Variants in ANO2 observed in about 807,000 individuals in gnomAD.
ANO2 encodes anoctamin-2.
Under a neutral mutation model 124.2 loss-of-function variants are expected in ANO2, and 101 were observed. The ratio of observed to expected loss-of-function variants is 0.81; its 90% CI spans 0.69 to 0.96. The LOEUF (loss-of-function observed/expected upper bound fraction) is 0.96. Among genes scored for constraint, ANO2 ranks in the 40% least tolerant of loss-of-function variants. The pLI is 0.00. For missense variants in ANO2, 1,293 were observed against 1,274.5 expected (o/e 1.01, Z -0.22); for synonymous variants, 486 against 482.5 (o/e 1.01, Z -0.09).
intron 16 of ANO2, among the ~76,000 whole-genome samples, chr12:5,630,718 C>G (rs553675424): frequency 1.3e-5 from 2 of 152,334 alleles, no homozygotes; most frequent in South Asian, 4.1e-4. Context: ...GTGCTAAGAT[C>G]TGCCATGGGC....
intron 1 of ANO2, among the ~76,000 whole-genome samples, chr12:5,928,397 T>G (rs954818038): frequency 2.0e-5 from 3 of 151,636 alleles, no homozygotes; most frequent in African/African-American, 7.3e-5. Flanking sequence ...ACTAGTCTAC[T>G]TTCCTTCCTC....
At chr12:5,804,513 T>C (rs1953132328) in intron 9 of ANO2, among the ~76,000 whole-genome samples, 1 of 152,234 alleles carries the variant, frequency 6.6e-6, no homozygotes, top group African/African-American at 2.4e-5. Context: ...AGCATCTTTC[T>C]GACATCAACT....
At chr12:5,892,656 T>G (rs1048009062) in intron 3 of ANO2, among the ~76,000 whole-genome samples, 1 of 152,148 alleles carries the variant, frequency 6.6e-6, no homozygotes, top group Non-Finnish European at 1.5e-5. Context: ...AAGAAAAGAA[T>G]TGTCAATCAA....
chr12:5,654,887 G>A (rs1447813810), intron 14 of ANO2, among the ~76,000 whole-genome samples: 1 of 152,160 alleles, frequency 6.6e-6, no homozygotes, highest in Non-Finnish European at 1.5e-5. Context: ...TATTGAATCA[G>A]AGCAGCCATC....
intron 23 of ANO2, among the ~76,000 whole-genome samples, chr12:5,569,724 G>A (rs1941987116): frequency 6.6e-6 from 1 of 152,148 alleles, no homozygotes; most frequent in Non-Finnish European, 1.5e-5. Context: ...AGATGTGTGT[G>A]CGTGTGTGTC....
intron 10 of ANO2, among the ~76,000 whole-genome samples, chr12:5,799,018 AG>A (rs1952956617): frequency 6.6e-6 from 1 of 152,236 alleles, no homozygotes; most frequent in African/African-American, 2.4e-5. Flanking sequence ...GAGGAAACCC[AG>A]GGCCTAGTCT....
chr12:5,681,559 A>G (rs1224217039), intron 14 of ANO2, among the ~76,000 whole-genome samples: 1 of 152,066 alleles, frequency 6.6e-6, no homozygotes. Flanking sequence ...TCATTTTCCC[A>G]CTCACATCCC....
Position 5,635,476 on chromosome 12 carries a change from G to A in ANO2, c.1621-129C>T. The A allele has an allele frequency of 1.3e-6, 1 of 794,942 alleles. No individual in the cohort carries two copies. Among genetic ancestry groups the A allele is most frequent in the Non-Finnish European group, 1.8e-6 (1 of 562,224 alleles). 49.2% of individuals were successfully genotyped at this position (794,942 alleles called of 1,614,324 possible). ...CTGGAATCTTTTGTTGGGTAACAAG[G>A]GATTCCAGATATTATTAGTCTGGAA... On this transcript the variant is annotated intron_variant, in intron 15 of 24. Transcript: ENST00000682330. The surrounding 1 kb of genome is among the most constrained non-coding windows in gnomAD (Gnocchi z 5.2).
chr12:5,569,968 T>C lies in ANO2; in HGVS notation c.2622-4305A>G, dbSNP rs376497289. On this transcript the variant is annotated intron_variant, in intron 23 of 24. Transcript: ENST00000682330. The stretch of plus-strand genomic sequence containing the variant: ...TTAAAAAGTTCAAAATGGTAAAAGA[T>C]GAATGTAATTAATGGCAATACACAG... 2.6e-5 allele frequency among the ~76,000 whole-genome samples: 4 copies of C among 152,246 alleles called. No homozygotes were observed. The East Asian group carries it at 5.8e-4, about 22-fold the overall frequency.
intron 23 of ANO2, among the ~76,000 whole-genome samples, chr12:5,572,036 C>T (rs1171840083): frequency 1.3e-5 from 2 of 152,170 alleles, no homozygotes; most frequent in Non-Finnish European, 2.9e-5. Context: ...ACATAACCCT[C>T]AGTGTAACCC....
rs564381046 is a variant in ANO2, at chr12:5,799,398, G to T, written c.1055+109C>A. 35 of 933,054 alleles carry T rather than the reference G, an allele frequency of 3.8e-5. No homozygotes were observed. The East Asian group carries it at 8.9e-4, about 24-fold the overall frequency. 57.8% of individuals were successfully genotyped at this position (933,054 alleles called of 1,614,324 possible). The stretch of plus-strand genomic sequence containing the variant: ...GGAGTGGATCATAGAAGCTAGAAAA[G>T]AAGATCCCTCCACTTGAGCAAAGGA... On this transcript the variant is annotated intron_variant, in intron 10 of 24. Coordinates refer to ENST00000682330, the MANE Select transcript of ANO2 (RefSeq NM_001364791.2).
intron 6 of ANO2, among the ~76,000 whole-genome samples, chr12:5,830,119 T>G (rs899940181): frequency 1.3e-5 from 2 of 152,188 alleles, no homozygotes; most frequent in Admixed American, 1.3e-4. Context: ...CTCAGTTTCC[T>G]CAATTGTAAA....
chr12:5,640,660 C>T (rs1371937799), intron 15 of ANO2, among the ~76,000 whole-genome samples: 1 of 152,178 alleles, frequency 6.6e-6, no homozygotes, highest in African/African-American at 2.4e-5. Flanking sequence ...AAATGCAAAT[C>T]AAAACCACAA....
intron 20 of ANO2, among the ~76,000 whole-genome samples, chr12:5,590,240 A>G (rs1943327308): frequency 6.6e-6 from 1 of 152,106 alleles, no homozygotes; most frequent in Non-Finnish European, 1.5e-5. Flanking sequence ...AGCTATCATT[A>G]GTGTTACTAT....
At chr12:5,727,952 G>A (rs957290257) in intron 14 of ANO2, among the ~76,000 whole-genome samples, 28 of 152,108 alleles carry the variant, frequency 1.8e-4, no homozygotes, top group Middle Eastern at 3.4e-3. Flanking sequence ...GACTACAGGC[G>A]CCCGCCACCA....
intron 14 of ANO2, among the ~76,000 whole-genome samples, chr12:5,671,119 G>A (rs1300710007): frequency 1.3e-5 from 2 of 152,124 alleles, no homozygotes; most frequent in Non-Finnish European, 2.9e-5. Context: ...TCTACAAGAG[G>A]CAGACCACTG....
At chr12:5,751,909 A>G (rs921222878) in intron 10 of ANO2, among the ~76,000 whole-genome samples, 8 of 152,024 alleles carry the variant, frequency 5.3e-5, no homozygotes, top group Admixed American at 5.2e-4. Context: ...CCTGTTAACC[A>G]CTATTCTATT....
intron 3 of ANO2, among the ~76,000 whole-genome samples, chr12:5,880,735 T>C (rs2137296253): frequency 6.6e-6 from 1 of 151,908 alleles, no homozygotes; most frequent in South Asian, 2.1e-4. Context: ...TAGAATTTAG[T>C]AGATATTTGA....
chr12:5,849,376 T>C (rs149150277), intron 4 of ANO2, among the ~76,000 whole-genome samples: 343 of 152,254 alleles, frequency 2.3e-3, no homozygotes, highest in African/African-American at 7.3e-3. Context: ...CATTCATATA[T>C]ACAAAAAAAG....
Sources: allele counts gnomAD v4.1 joint callset (sites outside exome capture counted in the v4.1 genomes callset), GRCh38; gene constraint gnomAD v4.1.1; non-coding constraint Gnocchi (gnomAD v3.1); transcripts MANE v1.5; gene names NCBI Gene and HGNC (gene_info 2026-07-23, HGNC 2026-07-21).